ITPRIP: variants seen among roughly 807,000 people sequenced by gnomAD.
ITPRIP encodes inositol 1,4,5-trisphosphate receptor-interacting protein.
ITPRIP carries 32 observed loss-of-function variants against 35.8 expected under a neutral mutation model. That is an observed-to-expected ratio of 0.89 (90% confidence interval 0.68 to 1.20). The LOEUF (loss-of-function observed/expected upper bound fraction) is 1.20, where lower values mean the gene tolerates loss of function less well. Among genes scored for constraint, ITPRIP ranks in the 50% most tolerant of loss-of-function variants. The pLI is 0.00. For synonymous variants in ITPRIP, 358 were observed against 324.0 expected, an observed-to-expected ratio of 1.11 and a Z score of -1.13; for missense variants, 653 against 735.6, an observed-to-expected ratio of 0.89 and a Z score of 1.30.
intron 1 of ITPRIP, among the ~76,000 whole-genome samples, chr10:104,324,183 C>A (rs1268283685): frequency 2.6e-5 from 4 of 152,184 alleles, no homozygotes; most frequent in African/African-American, 9.7e-5. Flanking sequence ...TGTGTCACTG[C>A]TCAGCCTGAT....
chr10:104,314,561 G>A lies in ITPRIP; in HGVS notation c.1491C>T (p.Ala497=), dbSNP rs774517904. 51 of 1,614,006 alleles carry A rather than the reference G, an allele frequency of 3.2e-5. No individual in the cohort carries two copies. The highest frequency in any genetic ancestry group is 3.8e-5 in the Non-Finnish European group (45 of 1,180,028). ...AGGGCCGGAAGAGGTTGAGGGGCTCGGCCCTGAGCACGGCCTCAGGGAGTC... is the reference window on the plus strand; with the variant it reads ...AGGGCCGGAAGAGGTTGAGGGGCTCAGCCCTGAGCACGGCCTCAGGGAGTC... ...AMGLPEAVLR[A]EPLNLFRPFV... Residue 497 remains alanine (A), a synonymous_variant, in exon 2 of 2, where the codon GCC becomes GCT. Transcript: ENST00000337478.
At position 104,313,782 on chromosome 10, in the gene ITPRIP, T is replaced by C; in HGVS notation, c.*626A>G. 1 of 985,588 alleles carries C rather than the reference T, an allele frequency of 1.0e-6. No homozygotes were observed. The allele number at this position is 985,588 out of a possible 1,614,324, so 61.1% of individuals were successfully genotyped here. A position where few individuals can be genotyped will look rare whatever the true frequency, so the allele number is the denominator to read the frequency against. On this transcript the variant is annotated 3_prime_UTR_variant, in exon 2 of 2. Transcript: ENST00000337478. ...GTTTCTCTATGCCACCAAGTACCCA[T>C]TTCCGTGTGACAGAGACGTTAGTCA...
intron 1 of ITPRIP, among the ~76,000 whole-genome samples, chr10:104,325,489 A>G (rs1225547372): frequency 6.6e-6 from 1 of 152,174 alleles, no homozygotes; most frequent in Non-Finnish European, 1.5e-5. Flanking sequence ...GAATAATCCT[A>G]ACCAGCACTT....
In ITPRIP at chr10:104,314,731, G is replaced by A. The variant is rs2013589523; in HGVS notation, c.1321C>T (p.Leu441=). The A allele has an allele frequency of 6.2e-7, 1 of 1,613,868 alleles. No individual in the cohort carries two copies. Among genetic ancestry groups the A allele is most frequent in the Non-Finnish European group, 8.5e-7 (1 of 1,179,916 alleles). The stretch of plus-strand genomic sequence containing the variant: ...CAGTCGGCGGCCTGCCGGAGGAGTA[G>A]GAGGTGCAGTAGGGCCGTCTTCAGG... The part of the protein sequence containing the change: ...YHLKTALLHL[L]LLRQAADWKA... Residue 441 remains leucine (L), a synonymous_variant, in exon 2 of 2, where the codon CTA becomes TTA. Transcript: ENST00000337478.
intron 1 of ITPRIP, among the ~76,000 whole-genome samples, chr10:104,332,021 A>G (rs2014160260): frequency 6.6e-6 from 1 of 152,194 alleles, no homozygotes; most frequent in South Asian, 2.1e-4. Context: ...GAGGTGGCAG[A>G]AAGAGTCCAA....
intron 1 of ITPRIP, 22 bp from the exon 2 acceptor site, chr10:104,316,086 G>T (rs984000374): frequency 6.6e-7 from 1 of 1,521,152 alleles, no homozygotes; most frequent in Non-Finnish European, 8.8e-7. Flanking sequence ...GAGACAGATG[G>T]TCACACCAAG....
chr10:104,323,473 C>T (rs2013907992), intron 1 of ITPRIP: 2 of 152,446 alleles, frequency 1.3e-5, no homozygotes, highest in African/African-American at 2.4e-5. Context: ...TCCAACCCCT[C>T]AAGGGACTGA....
chr10:104,314,511 C>G lies in ITPRIP; in HGVS notation c.1541G>C (p.Arg514Pro). 1 of 1,614,156 alleles carries G rather than the reference C, an allele frequency of 6.2e-7. No homozygotes were observed. Among genetic ancestry groups the G allele is most frequent in the East Asian group, 2.2e-5 (1 of 44,880 alleles). The stretch of plus-strand genomic sequence containing the variant: ...CTCATAGAAGGAGTCCAGTGTCTTA[C>G]GGTAAAGGCTTCGCTGCAGGACGAA... ...RPFVLQRSLYRKTLDSFYEML... is the reference protein window; with the variant it reads ...RPFVLQRSLYPKTLDSFYEML... The change falls in exon 2 of 2, where the codon CGT becomes CCT. Residue 514 changes from arginine (R) to proline (P), a missense_variant. Arg to Pro is a moderately radical substitution (Grantham distance 103, BLOSUM62 -2). Coordinates refer to ENST00000337478, the MANE Select transcript of ITPRIP (RefSeq NM_001272013.2).
Position 104,314,233 on chromosome 10 carries a change from T to C in ITPRIP, c.*175A>G. 1.1e-5 allele frequency: 15 copies of C among 1,424,834 alleles called. No homozygotes were observed. Among genetic ancestry groups the C allele is most frequent in the Non-Finnish European group, 1.4e-5 (15 of 1,092,238 alleles). The allele number at this position is 1,424,834 out of a possible 1,614,324, so 88.3% of individuals were successfully genotyped here. A position where few individuals can be genotyped will look rare whatever the true frequency, so the allele number is the denominator to read the frequency against. ...CCCAATGGTATGAAGCAAACCAGCT[T>C]CCCGTTGAAATTCTGTTTCCTCTGC... On this transcript the variant is annotated 3_prime_UTR_variant, in exon 2 of 2. Coordinates refer to ENST00000337478, the MANE Select transcript of ITPRIP (RefSeq NM_001272013.2).
At position 104,310,882 on chromosome 10, in the gene ITPRIP, T is replaced by C. The variant is rs2013468968; in HGVS notation, c.*3526A>G. On this transcript the variant is annotated 3_prime_UTR_variant, in exon 2 of 2. Transcript: ENST00000337478. ...GGGAACTTGGTGAAGTGCAGATTCT[T>C]CTACCTAACTTCTCAGGATCCCACT... 1 of 152,214 alleles carries C rather than the reference T, an allele frequency of 6.6e-6. No individual in the cohort carries two copies. Among genetic ancestry groups the C allele is most frequent in the Admixed American group, 6.5e-5 (1 of 15,276 alleles). 9.4% of individuals were successfully genotyped at this position (152,214 alleles called of 1,614,324 possible).
chr10:104,329,442 G>C (rs1489127224), intron 1 of ITPRIP, among the ~76,000 whole-genome samples: 3 of 152,060 alleles, frequency 2.0e-5, no homozygotes, highest in Non-Finnish European at 2.9e-5. Flanking sequence ...CTAGTCACAG[G>C]GACGGAGCAA....
chr10:104,328,019 C>T lies in ITPRIP; in HGVS notation c.-14+10227G>A, dbSNP rs980807515. Among the ~76,000 whole-genome samples the T allele has an allele frequency of 2.6e-5, 4 of 152,158 alleles. No homozygotes were observed. The highest frequency in any genetic ancestry group is 7.2e-5 in the African/African-American group (3 of 41,440). ...CCCCAGAGCAACTGGCATAGACCTG[C>T]GCTCCGTGCTAAGGACACACACTAT... On this transcript the variant is annotated intron_variant, in intron 1 of 1. Coordinates refer to ENST00000337478, the MANE Select transcript of ITPRIP (RefSeq NM_001272013.2). The surrounding 1 kb of genome is among the most constrained non-coding windows in gnomAD (Gnocchi z 4.1).
In ITPRIP at chr10:104,327,602, C is replaced by T. The variant is rs566252552; in HGVS notation, c.-14+10644G>A. On this transcript the variant is annotated intron_variant, in intron 1 of 1. Coordinates refer to ENST00000337478, the MANE Select transcript of ITPRIP (RefSeq NM_001272013.2). ...TCCCAAGACAAATCCCTCTTTCTTCCAAGGGATAGGAGAACAGGGGAGGGA... is the reference window on the plus strand; with the variant it reads ...TCCCAAGACAAATCCCTCTTTCTTCTAAGGGATAGGAGAACAGGGGAGGGA... Among the ~76,000 whole-genome samples the T allele has an allele frequency of 2.9e-3, 437 of 152,276 alleles. 2 individuals are homozygous for T. The highest frequency in any genetic ancestry group is 5.1e-3 in the Non-Finnish European group (346 of 68,028).
rs368138575 is a variant in ITPRIP at position 104,326,872 on chromosome 10, C to G, written c.-13-10808G>C. 6.6e-6 allele frequency: 1 copy of G among 152,302 alleles called. No individual in the cohort carries two copies. The highest frequency in any genetic ancestry group is 1.5e-5 in the Non-Finnish European group (1 of 68,078). 9.4% of individuals were successfully genotyped at this position (152,302 alleles called of 1,614,324 possible). A position where few individuals can be genotyped will look rare whatever the true frequency, so the allele number is the denominator to read the frequency against. ...CAGGATGGGAGTGACGCTGCCACAG[C>G]TGAGCATCATCTGAGACAACAGGAG... On this transcript the variant is annotated intron_variant, in intron 1 of 1. Transcript: ENST00000337478. This position sits in a 1 kb window ranked among gnomAD's most constrained non-coding sequence, Gnocchi z 4.8.
chr10:104,316,185 T>C, intron 1 of ITPRIP, 121 bp from the exon 2 acceptor site: 2 of 816,714 alleles, frequency 2.4e-6, no homozygotes. Flanking sequence ...ACCCAACCCA[T>C]CGAGAGCTCC....
rs965760762 is a variant in ITPRIP at position 104,338,345 on chromosome 10, C to A, written c.-113G>T. The stretch of plus-strand genomic sequence containing the variant: ...GGGCCGAGGCGCCGCTGCTTGCAGG[C>A]GGCTGCGGTGGAGCTTGCGGCCCGG... On this transcript the variant is annotated 5_prime_UTR_variant, in exon 1 of 2. Coordinates refer to ENST00000337478, the MANE Select transcript of ITPRIP (RefSeq NM_001272013.2). The A allele has an allele frequency of 2.0e-5, 3 of 152,764 alleles. No homozygotes were observed. Among genetic ancestry groups the A allele is most frequent in the African/African-American group, 4.8e-5 (2 of 41,474 alleles). The allele number at this position is 152,764 out of a possible 1,614,324, so 9.5% of individuals were successfully genotyped here.
intron 1 of ITPRIP, among the ~76,000 whole-genome samples, chr10:104,335,864 T>A (rs2014223910): frequency 6.6e-6 from 1 of 151,968 alleles, no homozygotes; most frequent in Non-Finnish European, 1.5e-5. Context: ...AAAATGGAGT[T>A]AACAATACCT....
At position 104,310,568 on chromosome 10, in the gene ITPRIP, T is replaced by C. The variant is rs1372731057; in HGVS notation, c.*3840A>G. On this transcript the variant is annotated 3_prime_UTR_variant, in exon 2 of 2. Coordinates refer to ENST00000337478, the MANE Select transcript of ITPRIP (RefSeq NM_001272013.2). ...ACTTACCACTGTGACAGTAGGTAAG[T>C]CAGTTGCCCCTTCAGTGCCTGTTTC... The C allele has an allele frequency of 6.6e-6, 1 of 152,154 alleles. No individual in the cohort carries two copies. Among genetic ancestry groups the C allele is most frequent in the East Asian group, 1.9e-4 (1 of 5,202 alleles). 9.4% of individuals were successfully genotyped at this position (152,154 alleles called of 1,614,324 possible).
chr10:104,324,965 C>T (rs994907580), intron 1 of ITPRIP, among the ~76,000 whole-genome samples: 1 of 152,230 alleles, frequency 6.6e-6, no homozygotes, highest in African/African-American at 2.4e-5. Context: ...ACCTATAATT[C>T]CCAGCACTTT....
Sources: gnomAD v4.1 joint callset for allele counts (sites outside exome capture counted in the v4.1 genomes callset) on GRCh38, gnomAD v4.1.1 for gene constraint, Gnocchi (gnomAD v3.1) non-coding constraint, MANE v1.5 for transcripts, NCBI Gene and HGNC (gene_info 2026-07-23, HGNC 2026-07-21) for gene names.